The following ZNF84 variants were observed in gnomAD, a reference collection of about 807,000 sequenced individuals.
ZNF84 encodes zinc finger protein HPF2.
Under a neutral mutation model 14.8 loss-of-function variants are expected in ZNF84, and 12 were observed. The observed-to-expected ratio is 0.81, with a 90% CI of 0.52 to 1.31. The LOEUF (loss-of-function observed/expected upper bound fraction) is 1.31, where lower values mean the gene tolerates loss of function less well. Among genes scored for constraint, ZNF84 ranks in the 50% most tolerant of loss-of-function variants. The probability of loss-of-function intolerance (pLI) is 0.00; values close to 1 mark genes in which losing one functional copy is unlikely to be tolerated. For synonymous variants in ZNF84, 347 were observed against 291.1 expected, an observed-to-expected ratio of 1.19 and a Z score of -1.96; for missense variants, 859 against 878.6, an observed-to-expected ratio of 0.98 and a Z score of 0.28.
intron 2 of ZNF84, among the ~76,000 whole-genome samples, chr12:133,047,390 A>T (rs1415030060): frequency 6.6e-6 from 1 of 152,158 alleles, no homozygotes; most frequent in Non-Finnish European, 1.5e-5. Flanking sequence ...TTACACAAAA[A>T]ATACTTTTAT....
rs904451575 is a variant in ZNF84, at chr12:133,056,438, A to G, written c.239-516A>G. 5.9e-5 allele frequency among the ~76,000 whole-genome samples: 9 copies of G among 152,040 alleles called. No individual in the cohort carries two copies. The South Asian group carries it at 1.9e-3, about 32-fold the overall frequency. The stretch of plus-strand genomic sequence containing the variant: ...CCGGCTAATTTTTTGTATTTTTAGT[A>G]GAGACGGGGTTTCACCATGTTAGAC... On this transcript the variant is annotated intron_variant, in intron 4 of 4. Transcript: ENST00000539354.
At position 133,041,569 on chromosome 12, in the gene ZNF84, T is replaced by C. The variant is rs1281950740; in HGVS notation, c.15+87T>C. On this transcript the variant is annotated intron_variant, in intron 2 of 4. Coordinates refer to ENST00000539354, the MANE Select transcript of ZNF84 (RefSeq NM_001289971.2). Reference sequence around the variant, plus strand: ...CGGTGAAAAAGAAAAGTTTAAATAGTTAAGAAATCAGAGGAAAATAGCCTC... The same window carrying C: ...CGGTGAAAAAGAAAAGTTTAAATAGCTAAGAAATCAGAGGAAAATAGCCTC... The C allele has an allele frequency of 1.4e-5, 19 of 1,404,430 alleles. 1 individual carries two copies. Among genetic ancestry groups the C allele is most frequent in the Middle Eastern group, 1.8e-4 (1 of 5,630 alleles). 87.0% of individuals were successfully genotyped at this position (1,404,430 alleles called of 1,614,324 possible). A position where few individuals can be genotyped will look rare whatever the true frequency, so the allele number is the denominator to read the frequency against.
At chr12:133,046,396 C>A (rs1953980546) in intron 2 of ZNF84, among the ~76,000 whole-genome samples, 1 of 131,264 alleles carries the variant, frequency 7.6e-6, no homozygotes, top group African/African-American at 2.8e-5. Flanking sequence ...ATCAGAGCTG[C>A]TGCCTCCCAG....
At chr12:133,053,778 G>T (rs1030925531) in intron 4 of ZNF84, among the ~76,000 whole-genome samples, 45 of 152,170 alleles carry the variant, frequency 3.0e-4, no homozygotes, top group African/African-American at 1.0e-3. Context: ...ATGGGGTCTT[G>T]ATTTTAACCC....
intron 1 of ZNF84, chr12:133,041,062 A>G (rs1207953619): frequency 2.5e-5 from 5 of 196,268 alleles, no homozygotes; most frequent in Non-Finnish European, 5.1e-5. Context: ...TGAATCTCAC[A>G]ATTACTTTAT....
intron 4 of ZNF84, among the ~76,000 whole-genome samples, chr12:133,055,977 T>G (rs1228099912): frequency 1.3e-5 from 2 of 152,200 alleles, no homozygotes; most frequent in African/African-American, 2.4e-5. Context: ...GGTGCATGCC[T>G]GTTGTCCCAA....
intron 4 of ZNF84, among the ~76,000 whole-genome samples, chr12:133,049,856 C>T (rs1428265764): frequency 2.6e-5 from 4 of 152,194 alleles, no homozygotes; most frequent in East Asian, 1.9e-4. Flanking sequence ...TTAAAGCCTT[C>T]CTCCCTCAAC....
In ZNF84 at chr12:133,063,125, A is replaced by G. The variant is rs1195742523; in HGVS notation, c.*4193A>G. The G allele has an allele frequency of 1.4e-6, 1 of 702,326 alleles. No homozygotes were observed. The allele number at this position is 702,326 out of a possible 1,614,324, so 43.5% of individuals were successfully genotyped here. A position where few individuals can be genotyped will look rare whatever the true frequency, so the allele number is the denominator to read the frequency against. ...ATGGAGAAACATGGTCTGCAGTGAG[A>G]GAGAAGAATGAAGCCATGATGAAAG... On this transcript the variant is annotated 3_prime_UTR_variant, in exon 5 of 5. Coordinates refer to ENST00000539354, the MANE Select transcript of ZNF84 (RefSeq NM_001289971.2).
At chr12:133,039,061 A>G (rs1953840029) in intron 1 of ZNF84, 1 of 152,136 alleles carries the variant, frequency 6.6e-6, no homozygotes, top group African/African-American at 2.4e-5. Flanking sequence ...TGTTTTTTAT[A>G]TTTTGCCATC....
Position 133,058,925 on chromosome 12 carries a change from AATCCTAGGAATACAGTTAATAG to A in ZNF84, c.2211_*15del. Reference sequence around the variant, plus strand: ...CATCAGAGAACTCATACAGTAAAAAAATCCTAGGAATACAGTTAATAGTAGTCTTTGACAGATCATCTTGGAC... The same window carrying A: ...CATCAGAGAACTCATACAGTAAAAAATAGTCTTTGACAGATCATCTTGGAC... On this transcript the variant is annotated stop_lost and 3_prime_UTR_variant, in exon 5 of 5. Transcript: ENST00000539354. The A allele has an allele frequency of 6.3e-7, 1 of 1,594,888 alleles. No individual in the cohort carries two copies.
Position 133,057,860 on chromosome 12 carries a change from A to G in ZNF84, c.1145A>G (p.Lys382Arg). 6.2e-6 allele frequency: 10 copies of G among 1,613,478 alleles called. No homozygotes were observed. Among genetic ancestry groups the G allele is most frequent in the Non-Finnish European group, 8.5e-6 (10 of 1,179,510 alleles). Residue 382 changes from lysine (K) to arginine (R), a missense_variant, in exon 5 of 5, where the codon AAA becomes AGA. Lys to Arg is a conservative substitution (Grantham distance 26). Coordinates refer to ENST00000539354, the MANE Select transcript of ZNF84 (RefSeq NM_001289971.2). ...TKPFGCSDCR[K>R]AFFEKSELIR... is the part of the protein sequence containing the mutation. ...CCCTTTGGATGTAGTGATTGTAGAAAAGCATTCTTTGAGAAGTCAGAGCTT... is the reference window on the plus strand; with the variant it reads ...CCCTTTGGATGTAGTGATTGTAGAAGAGCATTCTTTGAGAAGTCAGAGCTT...
rs929102729 is a variant in ZNF84 at position 133,057,901 on chromosome 12, A to G, written c.1186A>G (p.Ile396Val). The G allele has an allele frequency of 6.4e-5, 103 of 1,613,506 alleles. 1 individual carries two copies. In the East Asian group the frequency reaches 1.0e-3, roughly 16 times the overall value. Reference sequence around the variant, plus strand: ...GTCAGAGCTTATTAGACATCAGACAATTCATACTGGAGAGAAACCCTATGA... The same window carrying G: ...GTCAGAGCTTATTAGACATCAGACAGTTCATACTGGAGAGAAACCCTATGA... ...EKSELIRHQT[I>V]HTGEKPYECS... is the part of the protein sequence containing the mutation. Residue 396 changes from isoleucine to valine, a missense_variant, in exon 5 of 5, where the codon ATT becomes GTT. Coordinates refer to ENST00000539354, the MANE Select transcript of ZNF84 (RefSeq NM_001289971.2).
intron 2 of ZNF84, among the ~76,000 whole-genome samples, chr12:133,042,840 T>G (rs1953909331): frequency 6.6e-6 from 1 of 152,242 alleles, no homozygotes; most frequent in Non-Finnish European, 1.5e-5. Flanking sequence ...TGAATTGTTA[T>G]CAGTGGAATA....
intron 3 of ZNF84, 70 bp from the exon 4 acceptor site, chr12:133,048,683 T>C: frequency 1.7e-6 from 2 of 1,185,194 alleles, no homozygotes; most frequent in African/African-American, 1.5e-5. Flanking sequence ...ATGTGAAACC[T>C]TGCTCAACTT....
At chr12:133,044,276 A>G (rs1361476986) in intron 2 of ZNF84, among the ~76,000 whole-genome samples, 2 of 151,604 alleles carry the variant, frequency 1.3e-5, no homozygotes, top group African/African-American at 2.4e-5. Context: ...TCCCAAGTAG[A>G]TGGGACTACA....
intron 3 of ZNF84, 98 bp from the exon 4 acceptor site, chr12:133,048,655 T>G: frequency 1.2e-6 from 1 of 829,098 alleles, no homozygotes; most frequent in Non-Finnish European, 2.0e-6. Flanking sequence ...GGGGTACAGC[T>G]TCACCAGGCC....
intron 1 of ZNF84, chr12:133,038,831 TTTTA>T (rs1953835843): frequency 2.0e-5 from 3 of 152,192 alleles, no homozygotes. Context: ...ATGAGTCGGA[TTTTA>T]TTTTTTTGTT....
intron 4 of ZNF84, among the ~76,000 whole-genome samples, 200 bp from the exon 5 acceptor site, chr12:133,056,754 C>G (rs1213132221): frequency 6.6e-6 from 1 of 152,150 alleles, no homozygotes; most frequent in Non-Finnish European, 1.5e-5. Flanking sequence ...ATGACTTAAT[C>G]TCCAGTCAGT....
At chr12:133,039,301 G>A (rs1050836174) in intron 1 of ZNF84, among the ~76,000 whole-genome samples, 1 of 152,140 alleles carries the variant, frequency 6.6e-6, no homozygotes. Flanking sequence ...GAGGCAGGGC[G>A]TCCTTCATTT....
Sources: allele counts gnomAD v4.1 joint callset (sites outside exome capture counted in the v4.1 genomes callset), GRCh38; gene constraint gnomAD v4.1.1; transcripts MANE v1.5; gene names NCBI Gene and HGNC (gene_info 2026-07-23, HGNC 2026-07-21).